The following DLST variants were observed in gnomAD, a reference collection of about 807,000 sequenced individuals.
The protein encoded by DLST is dihydrolipoyllysine-residue succinyltransferase component of 2-oxoglutarate dehydrogenase complex, mitochondrial.
Under a neutral mutation model 53.1 loss-of-function variants are expected in DLST, and 17 were observed. The observed-to-expected ratio is 0.32, with a 90% CI of 0.22 to 0.48. The LOEUF is 0.48. Among genes scored for constraint, DLST ranks in the 20% least tolerant of loss-of-function variants. DLST has a pLI of 0.99. For synonymous variants in DLST, 206 were observed against 204.8 expected (o/e 1.01, Z -0.05); for missense variants, 512 against 583.9 (o/e 0.88, Z 1.27).
At chr14:74,885,344 A>G (rs932191172) in intron 2 of DLST, among the ~76,000 whole-genome samples, 1 of 152,118 alleles carries the variant, frequency 6.6e-6, no homozygotes, top group Non-Finnish European at 1.5e-5. Context: ...TGTGCCATCA[A>G]ATTTTTTCTC....
rs746231737 is a variant in DLST, at chr14:74,889,398, C to T, written c.274+49C>T. On this transcript the variant is annotated intron_variant, in intron 5 of 14. Coordinates refer to ENST00000334220, the MANE Select transcript of DLST (RefSeq NM_001933.5). ...TTTTTTTTTTTTTTTGAGACAGAGT[C>T]TTGCTCTGTTCCCAGCCTGGAGTGC... 29 of 1,435,634 alleles carry T rather than the reference C, an allele frequency of 2.0e-5. No homozygotes were observed. The South Asian group carries it at 3.1e-4, about 16-fold the overall frequency. 88.9% of individuals were successfully genotyped at this position (1,435,634 alleles called of 1,614,324 possible).
intron 5 of DLST, 52 bp from the exon 6 acceptor site, chr14:74,889,845 C>T: frequency 6.3e-7 from 1 of 1,598,490 alleles, no homozygotes; most frequent in African/African-American, 1.3e-5. Flanking sequence ...TTTGTGGCTA[C>T]TGGAGGCTCC....
Position 74,881,985 on chromosome 14 carries a change from C to A in DLST, c.32C>A (p.Ala11Glu), listed in dbSNP as rs920871868. The A allele has an allele frequency of 4.5e-6, 7 of 1,572,408 alleles. No homozygotes were observed. The highest frequency in any genetic ancestry group is 4.8e-5 in the East Asian group (2 of 41,896). ...TCCCGATCCCGCTGTGTGTCTCGGGCGTTCAGCCGCTCGCTCTCCGCCTTC... is the reference window on the plus strand; with the variant it reads ...TCCCGATCCCGCTGTGTGTCTCGGGAGTTCAGCCGCTCGCTCTCCGCCTTC... MLSRSRCVSR[A>E]FSRSLSAFQK... Residue 11 changes from alanine to glutamate, a missense_variant, in exon 1 of 15, where the codon GCG (alanine) becomes GAG (glutamate). Physicochemically the swap from Ala to Glu is moderately radical, Grantham distance 107. This residue lies in a region of DLST where 129 missense variants were observed against 90.9 expected (regional missense o/e 1.42). Transcript: ENST00000334220.
chr14:74,898,281 T>C, intron 10 of DLST, 88 bp from the exon 11 acceptor site: 1 of 1,511,408 alleles, frequency 6.6e-7, no homozygotes, highest in Non-Finnish European at 8.9e-7. Flanking sequence ...GGAAAAGCTC[T>C]CACCTAATTG....
intron 11 of DLST, 97 bp downstream of exon 11, chr14:74,898,596 T>C (rs923722124): frequency 7.1e-7 from 1 of 1,405,762 alleles, no homozygotes; most frequent in African/African-American, 1.5e-5. Context: ...ACCAAGGCTT[T>C]TTATTTGCTA....
chr14:74,883,602 CTTG>C (rs1883607218), intron 2 of DLST, among the ~76,000 whole-genome samples: 1 of 152,160 alleles, frequency 6.6e-6, no homozygotes, highest in African/African-American at 2.4e-5. Flanking sequence ...ATGAGTTGAC[CTTG>C]TTGTGGGCTT....
intron 4 of DLST, 61 bp downstream of exon 4, chr14:74,889,208 A>C: frequency 1.9e-6 from 3 of 1,607,514 alleles, no homozygotes; most frequent in Non-Finnish European, 1.7e-6. Flanking sequence ...GATTGAGTTT[A>C]ATTAAAGAAA....
chr14:74,900,042 C>G, intron 12 of DLST, 46 bp downstream of exon 12: 3 of 1,465,044 alleles, frequency 2.0e-6, no homozygotes, highest in Non-Finnish European at 2.9e-6. Context: ...AGACCCTCAC[C>G]TTATCTGTGT....
intron 5 of DLST, chr14:74,889,551 A>G: frequency 3.6e-6 from 2 of 557,978 alleles, no homozygotes; most frequent in Non-Finnish European, 6.3e-6. Flanking sequence ...TTGTATTTTT[A>G]GTAGAGACAG....
chr14:74,885,036 A>G (rs1196892861), intron 2 of DLST, among the ~76,000 whole-genome samples: 1 of 152,202 alleles, frequency 6.6e-6, no homozygotes, highest in Non-Finnish European at 1.5e-5. Flanking sequence ...AGATGGGGAC[A>G]TGATTTTCTC....
chr14:74,889,026 G>C, intron 3 of DLST, 69 bp from the exon 4 acceptor site: 1 of 1,520,724 alleles, frequency 6.6e-7, no homozygotes. Flanking sequence ...GTGACCCATG[G>C]GGCCTTAACT....
In DLST at chr14:74,891,247, G is replaced by A. The variant is rs574660887; in HGVS notation, c.442+80G>A. ...ACTGAGCATAATGTGCTAATTCCCC[G>A]ATATGTCAAAGACTCTTGTCATTCC... On this transcript the variant is annotated intron_variant, in intron 7 of 14. Coordinates refer to ENST00000334220, the MANE Select transcript of DLST (RefSeq NM_001933.5). 174 of 1,592,304 alleles carry A rather than the reference G, an allele frequency of 1.1e-4. No individual in the cohort carries two copies. In the East Asian group the frequency reaches 2.8e-3, roughly 25 times the overall value.
rs770482310 is a variant in DLST at position 74,889,919 on chromosome 14, A to G, written c.297A>G (p.Glu99=). ...CAGCTGTTGGAGACACAGTTGCAGAAGATGAAGTGGTTTGTGAGATTGAAA... is the reference window on the plus strand; with the variant it reads ...CAGCTGTTGGAGACACAGTTGCAGAGGATGAAGTGGTTTGTGAGATTGAAA... The part of the protein sequence containing the change: ...WEKAVGDTVA[E]DEVVCEIETD... The change falls in exon 6 of 15, where the codon GAA becomes GAG. Residue 99 remains glutamate, a synonymous_variant. Coordinates refer to ENST00000334220, the MANE Select transcript of DLST (RefSeq NM_001933.5). The G allele has an allele frequency of 2.5e-6, 4 of 1,613,976 alleles. No homozygotes were observed. The African/African-American group carries it at 5.3e-5, about 22-fold the overall frequency.
At chr14:74,895,315 A>AT (rs1352556600) in intron 10 of DLST, among the ~76,000 whole-genome samples, 1 of 152,244 alleles carries the variant, frequency 6.6e-6, no homozygotes, top group African/African-American at 2.4e-5. Context: ...TTCACTAGGT[A>AT]TGCCCATTTC....
chr14:74,883,292 C>T (rs1199574457), intron 2 of DLST, among the ~76,000 whole-genome samples: 1 of 123,982 alleles, frequency 8.1e-6, no homozygotes, highest in Non-Finnish European at 1.6e-5. Context: ...GAGACTCCAT[C>T]TCAAAAAAAA....
At chr14:74,885,398 C>G (rs1222830605) in intron 2 of DLST, among the ~76,000 whole-genome samples, 188 bp from the exon 3 acceptor site, 1 of 152,174 alleles carries the variant, frequency 6.6e-6, no homozygotes, top group Non-Finnish European at 1.5e-5. Context: ...CTCACATACC[C>G]ATTTGCTCTC....
chr14:74,886,941 G>T (rs1883724948), intron 3 of DLST, among the ~76,000 whole-genome samples: 1 of 151,866 alleles, frequency 6.6e-6, no homozygotes, highest in African/African-American at 2.4e-5. Context: ...GTTTCATCTT[G>T]TTGGCCAGGC....
rs1446206384 is a variant in DLST, at chr14:74,899,454, G to A, written c.902-469G>A. Among the ~76,000 whole-genome samples the A allele has an allele frequency of 2.0e-5, 3 of 151,968 alleles. No homozygotes were observed. The East Asian group carries it at 5.8e-4, about 29-fold the overall frequency. ...ATCTCTTGAGGTAGCATATTTCAAA[G>A]CCAGATCACCCCGCTTACTCTTGGA... On this transcript the variant is annotated intron_variant, in intron 11 of 14. Transcript: ENST00000334220.
chr14:74,893,725 C>T (rs541073781), intron 9 of DLST, among the ~76,000 whole-genome samples: 4 of 152,308 alleles, frequency 2.6e-5, no homozygotes, highest in East Asian at 1.9e-4. Context: ...CGTCCTCCCA[C>T]GATGTCACAC....
Sources: allele counts gnomAD v4.1 joint callset (sites outside exome capture counted in the v4.1 genomes callset), GRCh38; gene constraint gnomAD v4.1.1; regional missense constraint gnomAD v4.1.1; transcripts MANE v1.5; gene names NCBI Gene and HGNC (gene_info 2026-07-23, HGNC 2026-07-21).